Variants in FNBP1L observed in about 807,000 individuals in gnomAD.
FNBP1L encodes formin-binding protein 1-like.
FNBP1L carries 36 observed loss-of-function variants against 91.2 expected under a neutral mutation model. That is an observed-to-expected ratio of 0.39 (90% CI 0.30 to 0.52). FNBP1L has a LOEUF of 0.52. Ranked by LOEUF, FNBP1L falls within the 20% of genes least tolerant of loss-of-function variation. The probability of loss-of-function intolerance (pLI) is 0.66; values close to 1 mark genes in which losing one functional copy is unlikely to be tolerated. For synonymous variants in FNBP1L, 242 were observed against 237.0 expected (o/e 1.02, Z -0.19); for missense variants, 571 against 732.1 (o/e 0.78, Z 2.54).
chr1:93,455,586 C>T (rs910181426), intron 1 of FNBP1L, among the ~76,000 whole-genome samples: 1 of 152,214 alleles, frequency 6.6e-6, no homozygotes, highest in Non-Finnish European at 1.5e-5. Context: ...GTTTAAATAT[C>T]AGTGCTTTTT....
chr1:93,468,731 C>T (rs574999057), intron 1 of FNBP1L, among the ~76,000 whole-genome samples: 5 of 152,186 alleles, frequency 3.3e-5, no homozygotes, highest in African/African-American at 1.2e-4. Context: ...ACACCTGGCC[C>T]GATGGACAAG....
At chr1:93,542,806 G>A (rs1026056766) in intron 11 of FNBP1L, among the ~76,000 whole-genome samples, 6 of 141,236 alleles carry the variant, frequency 4.2e-5, no homozygotes, top group African/African-American at 1.1e-4. Context: ...TTTAAAAGAC[G>A]GAGTCTCGCT....
chr1:93,451,597 G>A (rs906264222), intron 1 of FNBP1L, among the ~76,000 whole-genome samples: 4 of 151,848 alleles, frequency 2.6e-5, no homozygotes, highest in African/African-American at 9.7e-5. Flanking sequence ...ATAATCTTTG[G>A]CCCTTAGTTT....
In FNBP1L at chr1:93,547,105, T is replaced by C. The variant is rs1161271321; in HGVS notation, c.1407+131T>C. Reference sequence around the variant, plus strand: ...AGGGTTTATGATCTAAAAGTATTATTGTGATGTGTGTTATTTAATCTCATT... The same window carrying C: ...AGGGTTTATGATCTAAAAGTATTATCGTGATGTGTGTTATTTAATCTCATT... On this transcript the variant is annotated intron_variant, in intron 13 of 16. Transcript: ENST00000271234. 9.0e-6 allele frequency: 10 copies of C among 1,108,962 alleles called. No homozygotes were observed. The Admixed American group carries it at 2.8e-4, about 31-fold the overall frequency. The allele number at this position is 1,108,962 out of a possible 1,614,324, so 68.7% of individuals were successfully genotyped here.
intron 1 of FNBP1L, among the ~76,000 whole-genome samples, chr1:93,464,867 CAT>C (rs1333416437): frequency 2.0e-5 from 3 of 152,236 alleles, no homozygotes; most frequent in Admixed American, 1.3e-4. Flanking sequence ...TTGAGTATAA[CAT>C]GTGTTCCTCC....
chr1:93,543,484 T>C (rs936816512), intron 11 of FNBP1L, among the ~76,000 whole-genome samples: 1 of 152,210 alleles, frequency 6.6e-6, no homozygotes. Flanking sequence ...GAATATAATT[T>C]CTGCTCAGTG....
In FNBP1L at chr1:93,550,313, T is replaced by C. The variant is rs192471919; in HGVS notation, c.1652-634T>C. Among the ~76,000 whole-genome samples the C allele has an allele frequency of 4.0e-3, 609 of 152,256 alleles. 7 individuals are homozygous for C. Among genetic ancestry groups the C allele is most frequent in the South Asian group, 0.028 (136 of 4,826 alleles). On this transcript the variant is annotated intron_variant, in intron 15 of 16. Coordinates refer to ENST00000271234, the MANE Select transcript of FNBP1L (RefSeq NM_001164473.3). The stretch of plus-strand genomic sequence containing the variant: ...AACCTGGGCAGTAAGACCCTATCTC[T>C]AAAACAAAACAAAAGAAAACAAACT...
chr1:93,450,297 T>C (rs547876545), intron 1 of FNBP1L, among the ~76,000 whole-genome samples: 1 of 152,326 alleles, frequency 6.6e-6, no homozygotes, highest in African/African-American at 2.4e-5. Flanking sequence ...GTAGAAGAGA[T>C]GGGAATTTTT....
chr1:93,552,057 T>C, intron 16 of FNBP1L: 1 of 1,044,718 alleles, frequency 9.6e-7, no homozygotes, highest in Non-Finnish European at 1.2e-6. Flanking sequence ...GAGGAAGATA[T>C]GTGTACCGCC....
At position 93,552,230 on chromosome 1, in the gene FNBP1L, T is replaced by A. The variant is rs1000600516; in HGVS notation, c.1811-179T>A. 1.1e-5 allele frequency: 16 copies of A among 1,391,848 alleles called. No individual in the cohort carries two copies. In the African/African-American group the frequency reaches 2.2e-4, roughly 19 times the overall value. The allele number at this position is 1,391,848 out of a possible 1,614,324, so 86.2% of individuals were successfully genotyped here. A position where few individuals can be genotyped will look rare whatever the true frequency, so the allele number is the denominator to read the frequency against. On this transcript the variant is annotated intron_variant, in intron 16 of 16. Transcript: ENST00000271234. ...GTCAGTGGTGTGGGGAAGTAAAGTG[T>A]GAAGAAGCAGTAAGATTGGTTTTTA...
chr1:93,468,717 C>G (rs1669181982), intron 1 of FNBP1L, among the ~76,000 whole-genome samples: 1 of 152,166 alleles, frequency 6.6e-6, no homozygotes, highest in Non-Finnish European at 1.5e-5. Flanking sequence ...AGGTGTAAGC[C>G]ACTACACCTG....
intron 2 of FNBP1L, among the ~76,000 whole-genome samples, chr1:93,500,938 A>G (rs1335789415): frequency 1.3e-5 from 2 of 152,232 alleles, no homozygotes; most frequent in Non-Finnish European, 2.9e-5. Flanking sequence ...GCCTATTAGT[A>G]TATTAATAAT....
chr1:93,518,295 A>G (rs1671201205), intron 2 of FNBP1L, among the ~76,000 whole-genome samples: 1 of 152,172 alleles, frequency 6.6e-6, no homozygotes, highest in Admixed American at 6.5e-5. Context: ...GCATTTTCGT[A>G]CATCTCTTGG....
chr1:93,503,626 A>G (rs1378841015), intron 2 of FNBP1L, among the ~76,000 whole-genome samples: 4 of 152,192 alleles, frequency 2.6e-5, no homozygotes, highest in African/African-American at 9.7e-5. Flanking sequence ...GAATAAATAG[A>G]AAATAAAGCA....
intron 15 of FNBP1L, among the ~76,000 whole-genome samples, chr1:93,550,313 TAAAAC>T (rs1672365178): frequency 6.6e-6 from 1 of 152,142 alleles, no homozygotes; most frequent in African/African-American, 2.4e-5. Flanking sequence ...ACCCTATCTC[TAAAAC>T]AAAACAAAAG....
chr1:93,539,595 CT>C (rs1032944684), intron 10 of FNBP1L, among the ~76,000 whole-genome samples: 5 of 151,950 alleles, frequency 3.3e-5, no homozygotes. Context: ...ATTTGCATCA[CT>C]TAGAAATTTC....
At chr1:93,462,697 C>T (rs1668914392) in intron 1 of FNBP1L, among the ~76,000 whole-genome samples, 1 of 152,044 alleles carries the variant, frequency 6.6e-6, no homozygotes, top group South Asian at 2.1e-4. Flanking sequence ...GGGAGGAAGA[C>T]CATATGCCAT....
chr1:93,514,146 T>C (rs1283552458), intron 2 of FNBP1L, among the ~76,000 whole-genome samples: 2 of 152,188 alleles, frequency 1.3e-5, no homozygotes, highest in Non-Finnish European at 2.9e-5. Context: ...AGCCAAATCA[T>C]GAGTGAACTC....
chr1:93,515,137 T>G (rs1392333058), intron 2 of FNBP1L, among the ~76,000 whole-genome samples: 2 of 152,174 alleles, frequency 1.3e-5, no homozygotes, highest in African/African-American at 4.8e-5. Flanking sequence ...AAGAAGACAT[T>G]TATGCAGCCA....
Sources: allele counts gnomAD v4.1 joint callset (sites outside exome capture counted in the v4.1 genomes callset), GRCh38; gene constraint gnomAD v4.1.1; transcripts MANE v1.5; gene names NCBI Gene and HGNC (gene_info 2026-07-23, HGNC 2026-07-21).